The following ATG7 variants were observed in gnomAD, a reference collection of about 807,000 sequenced individuals.
ATG7 encodes the protein autophagy related 7.
ATG7 carries 70 observed loss-of-function variants against 82.4 expected under a neutral mutation model. The ratio of observed to expected loss-of-function variants is 0.85; its 90% CI spans 0.70 to 1.04. ATG7 has a LOEUF of 1.04. ATG7 is among the 50% of genes least tolerant of loss of function. The probability of loss-of-function intolerance (pLI) is 0.00; values close to 1 mark genes in which losing one functional copy is unlikely to be tolerated. For synonymous variants in ATG7, 287 were observed against 313.0 expected (o/e 0.92, Z 0.88); for missense variants, 792 against 864.3 (o/e 0.92, Z 1.05).
chr3:11,538,677 TAAAAAAAAAAAA>T (rs560029572), intron 20 of ATG7, among the ~76,000 whole-genome samples: 1 of 47,648 alleles, frequency 2.1e-5, no homozygotes, highest in Admixed American at 4.1e-4. Flanking sequence ...ACTCCGTCTC[TAAAAAAAAAAAA>T]AAAAAAAAAA....
chr3:11,416,411 A>G (rs1040114300), intron 19 of ATG7, among the ~76,000 whole-genome samples: 1 of 151,912 alleles, frequency 6.6e-6, no homozygotes, highest in Non-Finnish European at 1.5e-5. Context: ...TAGAATTTCC[A>G]TTTTTTTCTT....
intron 3 of ATG7, among the ~76,000 whole-genome samples, chr3:11,284,242 C>T (rs1173473581): frequency 6.6e-6 from 1 of 152,110 alleles, no homozygotes; most frequent in African/African-American, 2.4e-5. Context: ...CCTATACTGG[C>T]TTGATTATTT....
At chr3:11,344,590 G>C (rs1193851767) in intron 13 of ATG7, among the ~76,000 whole-genome samples, 1 of 152,062 alleles carries the variant, frequency 6.6e-6, no homozygotes, top group Non-Finnish European at 1.5e-5. Flanking sequence ...ATTTTGGCCG[G>C]GCACGGTGGC....
intron 20 of ATG7, among the ~76,000 whole-genome samples, chr3:11,542,791 A>T (rs1278535977): frequency 6.6e-6 from 1 of 152,088 alleles, no homozygotes; most frequent in Non-Finnish European, 1.5e-5. Context: ...TTGGGAGTGA[A>T]GAAGGTGACG....
chr3:11,321,159 A>T (rs1415848059), intron 9 of ATG7, among the ~76,000 whole-genome samples: 1 of 152,232 alleles, frequency 6.6e-6, no homozygotes, highest in Non-Finnish European at 1.5e-5. Context: ...CTAATGTCAG[A>T]GACGCACAGA....
chr3:11,430,965 G>A (rs1417371936), intron 20 of ATG7, among the ~76,000 whole-genome samples: 1 of 152,220 alleles, frequency 6.6e-6, no homozygotes, highest in African/African-American at 2.4e-5. Flanking sequence ...GTTCTAGACT[G>A]AATAAAGGTC....
intron 20 of ATG7, among the ~76,000 whole-genome samples, chr3:11,475,500 C>T (rs1321517361): frequency 6.6e-6 from 1 of 152,026 alleles, no homozygotes; most frequent in Admixed American, 6.6e-5. Flanking sequence ...AAGAGAAGAC[C>T]CCTGTTGGGA....
intron 19 of ATG7, among the ~76,000 whole-genome samples, chr3:11,386,078 A>G (rs373543213): frequency 2.0e-5 from 3 of 152,212 alleles, no homozygotes; most frequent in South Asian, 4.1e-4. Flanking sequence ...TGTGGAGGGC[A>G]GGAAGTCAGG....
At chr3:11,480,591 T>G (rs1395273261) in intron 20 of ATG7, among the ~76,000 whole-genome samples, 2 of 152,160 alleles carry the variant, frequency 1.3e-5, no homozygotes, top group Non-Finnish European at 2.9e-5. Context: ...AAAAAAACCT[T>G]ACAATCTGTG....
chr3:11,495,417 C>G (rs2090747715), intron 20 of ATG7, among the ~76,000 whole-genome samples: 1 of 151,980 alleles, frequency 6.6e-6, no homozygotes, highest in Non-Finnish European at 1.5e-5. Context: ...GACACCCTTG[C>G]TCTCAAGTGG....
chr3:11,480,354 C>T (rs2442785), intron 20 of ATG7, among the ~76,000 whole-genome samples: 128,812 of 152,214 alleles, frequency 0.85, 54,702 homozygotes, highest in East Asian at 1. Flanking sequence ...CTGGGCAACA[C>T]AGCAAGACCC....
chr3:11,488,953 G>C (rs899394434), intron 20 of ATG7, among the ~76,000 whole-genome samples: 2 of 152,032 alleles, frequency 1.3e-5, no homozygotes, highest in African/African-American at 2.4e-5. Flanking sequence ...TTTTTCTATT[G>C]ATTGGAATAG....
rs55855960 is a variant in ATG7, at chr3:11,374,892, C to CAA, written c.1876-5052_1876-5051dup. Among the ~76,000 whole-genome samples, 217 of 73,492 alleles carry CAA rather than the reference C, an allele frequency of 3.0e-3. 13 individuals are homozygous for CAA. The highest frequency in any genetic ancestry group is 0.012 in the African/African-American group (204 of 16,410). 48.2% of individuals were successfully genotyped at this position (73,492 alleles called of 152,430 possible). A position where few individuals can be genotyped will look rare whatever the true frequency, so the allele number is the denominator to read the frequency against. The stretch of plus-strand genomic sequence containing the variant: ...ACACTCCAGCCTGGGCAACAGAGCT[C>CAA]AAAAAAAAAAAAAAAAAAAAAAAAA... On this transcript the variant is annotated intron_variant, in intron 18 of 20. Coordinates refer to ENST00000693202, the MANE Select transcript of ATG7 (RefSeq NM_001349232.2).
chr3:11,431,049 A>T (rs967012284), intron 20 of ATG7, among the ~76,000 whole-genome samples: 1 of 152,350 alleles, frequency 6.6e-6, no homozygotes, highest in Admixed American at 6.5e-5. Flanking sequence ...AGTTACCTGA[A>T]GTCAACATAA....
At chr3:11,338,812 G>A (rs1575550890) in intron 11 of ATG7, among the ~76,000 whole-genome samples, 1 of 152,152 alleles carries the variant, frequency 6.6e-6, no homozygotes, top group Non-Finnish European at 1.5e-5. Flanking sequence ...AAGGATAATT[G>A]GTCCTATGGT....
intron 19 of ATG7, among the ~76,000 whole-genome samples, chr3:11,404,950 G>T (rs1393273388): frequency 1.3e-5 from 2 of 152,078 alleles, no homozygotes; most frequent in African/African-American, 2.4e-5. Flanking sequence ...ATGAGATTTG[G>T]GTGGGGACAC....
At chr3:11,335,880 G>A (rs1373275437) in intron 11 of ATG7, among the ~76,000 whole-genome samples, 1 of 151,838 alleles carries the variant, frequency 6.6e-6, no homozygotes, top group Non-Finnish European at 1.5e-5. Context: ...TGTATCTTTA[G>A]TAGAGTCGGG....
intron 19 of ATG7, among the ~76,000 whole-genome samples, chr3:11,418,704 G>C (rs1447943279): frequency 2.0e-5 from 3 of 152,090 alleles, no homozygotes; most frequent in Non-Finnish European, 4.4e-5. Context: ...TCCAGTTCTG[G>C]GAGCAGTGGT....
At chr3:11,403,117 T>C (rs2079995494) in intron 19 of ATG7, among the ~76,000 whole-genome samples, 1 of 152,200 alleles carries the variant, frequency 6.6e-6, no homozygotes, top group Admixed American at 6.5e-5. Flanking sequence ...TTTGTGTTTC[T>C]TAAAGATATT....
Sources: allele counts gnomAD v4.1 joint callset (sites outside exome capture counted in the v4.1 genomes callset), GRCh38; gene constraint gnomAD v4.1.1; transcripts MANE v1.5; gene names NCBI Gene and HGNC (gene_info 2026-07-23, HGNC 2026-07-21).